Variants in AGTPBP1 observed in about 807,000 individuals in gnomAD.
AGTPBP1 encodes ATP/GTP binding carboxypeptidase 1, also known as cytosolic carboxypeptidase 1.
In AGTPBP1, 70 loss-of-function variants were observed where a neutral mutation model predicts 143.9. The observed-to-expected ratio is 0.49, with a 90% CI of 0.40 to 0.59. The LOEUF is 0.59. Ranked by LOEUF, AGTPBP1 falls within the 20% of genes least tolerant of loss-of-function variation. The pLI is 0.00. For synonymous variants in AGTPBP1, 463 were observed against 500.2 expected (o/e 0.93, Z 0.99); for missense variants, 1,229 against 1,464.5 (o/e 0.84, Z 2.62).
chr9:85,569,343 G>A (rs1648583741), intron 25 of AGTPBP1, among the ~76,000 whole-genome samples: 1 of 151,940 alleles, frequency 6.6e-6, no homozygotes, highest in Non-Finnish European at 1.5e-5. Context: ...ACTTATTCCT[G>A]AAAAGTTTCC....
chr9:85,684,234 A>G (rs553800140), intron 3 of AGTPBP1, among the ~76,000 whole-genome samples: 1 of 152,276 alleles, frequency 6.6e-6, no homozygotes, highest in South Asian at 2.1e-4. Context: ...ATTAAAATGA[A>G]GCAAAGTAAT....
chr9:85,634,955 A>T (rs527440546), intron 13 of AGTPBP1, among the ~76,000 whole-genome samples: 29 of 150,192 alleles, frequency 1.9e-4, no homozygotes, highest in African/African-American at 6.5e-4. Context: ...ATGGTTTTTT[A>T]AAAAAAAATT....
intron 23 of AGTPBP1, among the ~76,000 whole-genome samples, chr9:85,582,237 T>C (rs185631822): frequency 6.6e-6 from 1 of 152,342 alleles, no homozygotes; most frequent in East Asian, 1.9e-4. Flanking sequence ...GTTTTTCTAA[T>C]GCTGGGTTTC....
At chr9:85,716,506 A>G (rs1308081994) in intron 1 of AGTPBP1, among the ~76,000 whole-genome samples, 1 of 152,184 alleles carries the variant, frequency 6.6e-6, no homozygotes, top group Non-Finnish European at 1.5e-5. Flanking sequence ...TTTCCCATCT[A>G]AGTTAAAGAC....
intron 14 of AGTPBP1, among the ~76,000 whole-genome samples, chr9:85,628,097 T>C (rs1339537077): frequency 6.6e-6 from 1 of 152,228 alleles, no homozygotes; most frequent in Non-Finnish European, 1.5e-5. Context: ...CTGTTGTCTA[T>C]TACACAATCT....
intron 1 of AGTPBP1, among the ~76,000 whole-genome samples, chr9:85,715,779 G>T (rs1429016580): frequency 6.6e-6 from 1 of 152,148 alleles, no homozygotes; most frequent in Non-Finnish European, 1.5e-5. Context: ...GAAAGTGCAG[G>T]CACCTAGAAG....
chr9:85,611,665 G>A (rs966898926), intron 17 of AGTPBP1, among the ~76,000 whole-genome samples: 2 of 152,148 alleles, frequency 1.3e-5, no homozygotes, highest in Admixed American at 1.3e-4. Flanking sequence ...TTGAATAGAT[G>A]TATAATATTA....
At chr9:85,791,836 T>C in the AGTPBP1 span, among the ~76,000 whole-genome samples, 1 of 151,958 alleles carries the variant, frequency 6.6e-6, no homozygotes, top group Admixed American at 6.6e-5. Flanking sequence ...CAGGATATTA[T>C]GAAAAGAAGC....
At chr9:85,560,405 A>G (rs1186302629) in intron 25 of AGTPBP1, among the ~76,000 whole-genome samples, 1 of 152,208 alleles carries the variant, frequency 6.6e-6, no homozygotes, top group Non-Finnish European at 1.5e-5. Flanking sequence ...AAAGATGGGA[A>G]GTTGGCTTTC....
intron 11 of AGTPBP1, among the ~76,000 whole-genome samples, chr9:85,647,239 T>G (rs1832873133): frequency 1.3e-5 from 2 of 152,128 alleles, no homozygotes; most frequent in Non-Finnish European, 2.9e-5. Context: ...ATCGCGCCAT[T>G]GCACTCCAGC....
intron 17 of AGTPBP1, among the ~76,000 whole-genome samples, chr9:85,612,698 G>A (rs1444450498): frequency 6.6e-6 from 1 of 152,248 alleles, no homozygotes; most frequent in East Asian, 1.9e-4. Flanking sequence ...AGTCGTGGGA[G>A]ACTGAGTCCT....
chr9:85,714,787 T>C (rs1369187064), intron 1 of AGTPBP1, among the ~76,000 whole-genome samples: 1 of 152,220 alleles, frequency 6.6e-6, no homozygotes, highest in Non-Finnish European at 1.5e-5. Flanking sequence ...TGCTGCAAGA[T>C]AACATATTTA....
chr9:85,616,963 A>T (rs552901269), intron 17 of AGTPBP1, among the ~76,000 whole-genome samples: 81 of 152,226 alleles, frequency 5.3e-4, no homozygotes, highest in African/African-American at 1.7e-3. Context: ...TTAGTTACTT[A>T]AGCCATTTAA....
intron 17 of AGTPBP1, among the ~76,000 whole-genome samples, chr9:85,618,567 T>A (rs942464985): frequency 1.3e-5 from 2 of 151,852 alleles, no homozygotes; most frequent in African/African-American, 4.8e-5. Flanking sequence ...TTTTTTTTTT[T>A]AATAAATAAA....
rs1457551466 is a variant in AGTPBP1 at position 85,633,319 on chromosome 9, C to T, written c.1358G>A (p.Arg453His). The change falls in exon 14 of 26, where the codon CGT becomes CAT. Residue 453 changes from arginine to histidine, a missense_variant. Physicochemically the swap from Arg to His is conservative, Grantham distance 29 (BLOSUM62 0). This residue lies in a region of AGTPBP1 where 743 missense variants were observed against 812.2 expected (regional missense o/e 0.91). Transcript: ENST00000357081. The part of the protein sequence containing the change: ...PKPFVFEGKV[R>H]GPIVVPTAGE... ...TGCCGTAGGAACAACAATAGGACCA[C>T]GTACTTTTCCCTCAAATACAAAAGG... 2.9e-5 allele frequency: 46 copies of T among 1,600,518 alleles called. No homozygotes were observed. The highest frequency in any genetic ancestry group is 3.7e-5 in the Non-Finnish European group (43 of 1,176,614).
the AGTPBP1 span, among the ~76,000 whole-genome samples, chr9:85,768,532 T>C: frequency 6.6e-6 from 1 of 152,222 alleles, no homozygotes; most frequent in African/African-American, 2.4e-5. Flanking sequence ...AACCTATTGA[T>C]GATAAGGACT....
At chr9:85,572,225 G>A (rs1304147506) in intron 25 of AGTPBP1, among the ~76,000 whole-genome samples, 2 of 151,690 alleles carry the variant, frequency 1.3e-5, no homozygotes, top group African/African-American at 4.8e-5. Flanking sequence ...ACAGGGTTTC[G>A]CCATGTTGGC....
intron 18 of AGTPBP1, 137 bp from the exon 19 acceptor site, chr9:85,592,841 T>TA: frequency 1.0e-6 from 1 of 959,034 alleles, no homozygotes; most frequent in Non-Finnish European, 1.6e-6. Flanking sequence ...TACCCTATTT[T>TA]AAAAAAACTT....
intron 2 of AGTPBP1, among the ~76,000 whole-genome samples, chr9:85,693,033 C>T (rs1835982924): frequency 6.6e-6 from 1 of 152,146 alleles, no homozygotes; most frequent in Non-Finnish European, 1.5e-5. Context: ...TTCAGAAAAC[C>T]ACAAATCACA....
Sources: allele counts gnomAD v4.1 joint callset (sites outside exome capture counted in the v4.1 genomes callset), GRCh38; gene constraint gnomAD v4.1.1; regional missense constraint gnomAD v4.1.1; transcripts MANE v1.5; gene names NCBI Gene and HGNC (gene_info 2026-07-23, HGNC 2026-07-21).